WWOX: variants seen among roughly 807,000 people sequenced by gnomAD.
WWOX encodes the protein WW domain-containing oxidoreductase.
WWOX carries 69 observed loss-of-function variants against 46.2 expected under a neutral mutation model. That is an observed-to-expected ratio of 1.49 (90% CI 1.23 to 1.82). The LOEUF (loss-of-function observed/expected upper bound fraction) is 1.82, where lower values mean the gene tolerates loss of function less well. Among genes scored for constraint, WWOX ranks in the 40% most tolerant of loss-of-function variants. The pLI is 0.00. For synonymous variants in WWOX, 359 were observed against 202.6 expected (o/e 1.77, Z -6.56); for missense variants, 919 against 542.6 (o/e 1.69, Z -6.89).
At chr16:78,840,162 A>C (rs1366814767) in intron 8 of WWOX, among the ~76,000 whole-genome samples, 1 of 152,216 alleles carries the variant, frequency 6.6e-6, no homozygotes, top group East Asian at 1.9e-4. Flanking sequence ...ATTGCCTCCC[A>C]GTTGACCCTC....
rs1490470652 is a variant in WWOX, at chr16:79,212,651, A to G, written c.*855A>G. 1 of 149,076 alleles carries G rather than the reference A, an allele frequency of 6.7e-6. No individual in the cohort carries two copies. The highest frequency in any genetic ancestry group is 1.5e-5 in the Non-Finnish European group (1 of 65,726). 9.2% of individuals were successfully genotyped at this position (149,076 alleles called of 1,614,324 possible). A position where few individuals can be genotyped will look rare whatever the true frequency, so the allele number is the denominator to read the frequency against. ...CCTCGCATCCTATGCTTAATAAAAG[A>G]ACATGCTTGAATATCATCACCTGAA... On this transcript the variant is annotated 3_prime_UTR_variant, in exon 9 of 9. Transcript: ENST00000566780.
intron 7 of WWOX, among the ~76,000 whole-genome samples, chr16:78,427,201 T>G (rs529687453): frequency 9.4e-4 from 143 of 152,034 alleles, no homozygotes; most frequent in Non-Finnish European, 1.7e-3. Context: ...TTCGTTGGAG[T>G]TAAGACCCCC....
At chr16:78,169,427 G>T (rs999408482) in intron 5 of WWOX, among the ~76,000 whole-genome samples, 3 of 150,724 alleles carry the variant, frequency 2.0e-5, no homozygotes, top group African/African-American at 7.4e-5. Context: ...TTTATTTCTC[G>T]GGGTCTGGCA....
chr16:78,921,834 C>G (rs1312122417), intron 8 of WWOX, among the ~76,000 whole-genome samples: 1 of 152,154 alleles, frequency 6.6e-6, no homozygotes, highest in African/African-American at 2.4e-5. Context: ...GTCCTCAAAC[C>G]CATCCTCATG....
chr16:78,816,968 T>C (rs1375299178), intron 8 of WWOX, among the ~76,000 whole-genome samples: 2 of 152,068 alleles, frequency 1.3e-5, no homozygotes, highest in Admixed American at 6.6e-5. Context: ...AGTAAATACC[T>C]TGGGCCTGAG....
At chr16:78,176,516 C>T (rs540545117) in intron 5 of WWOX, among the ~76,000 whole-genome samples, 5 of 152,180 alleles carry the variant, frequency 3.3e-5, no homozygotes, top group Non-Finnish European at 5.9e-5. Context: ...GACTACAATG[C>T]GTCCTGTAAA....
chr16:78,766,886 CCT>C (rs1358563200), intron 8 of WWOX, among the ~76,000 whole-genome samples: 3 of 152,076 alleles, frequency 2.0e-5, no homozygotes, highest in Non-Finnish European at 4.4e-5. Context: ...ATCAGCATTA[CCT>C]ATACCTAAAA....
chr16:79,053,720 A>G (rs921574020), intron 8 of WWOX, among the ~76,000 whole-genome samples: 27 of 152,296 alleles, frequency 1.8e-4, no homozygotes, highest in African/African-American at 6.0e-4. Context: ...AGTAAGTGCA[A>G]TTTAGAGGAT....
chr16:78,285,574 A>G (rs1314514967), intron 5 of WWOX, among the ~76,000 whole-genome samples: 1 of 152,258 alleles, frequency 6.6e-6, no homozygotes, highest in Non-Finnish European at 1.5e-5. Flanking sequence ...AGTCAAGTGC[A>G]TGATGGCTGA....
intron 6 of WWOX, among the ~76,000 whole-genome samples, chr16:78,392,315 G>C (rs1018245628): frequency 6.6e-6 from 1 of 152,062 alleles, no homozygotes; most frequent in African/African-American, 2.4e-5. Context: ...TGCTCCTTAC[G>C]AAAATCTAAT....
intron 8 of WWOX, among the ~76,000 whole-genome samples, chr16:78,616,606 C>G (rs563607537): frequency 2.6e-5 from 4 of 151,776 alleles, no homozygotes; most frequent in African/African-American, 9.7e-5. Flanking sequence ...CCTGTCTCTA[C>G]TAAAACTAAA....
intron 8 of WWOX, among the ~76,000 whole-genome samples, chr16:78,661,488 G>C (rs72794734): frequency 0.013 from 1,926 of 152,132 alleles, 19 homozygotes; most frequent in Middle Eastern, 0.041. Flanking sequence ...ACAGTTATTT[G>C]TCTGGATTTG....
At chr16:78,907,334 C>A (rs911426472) in intron 8 of WWOX, among the ~76,000 whole-genome samples, 3 of 152,158 alleles carry the variant, frequency 2.0e-5, no homozygotes, top group Non-Finnish European at 4.4e-5. Flanking sequence ...TTAGGTTCTA[C>A]AAAGTGATGT....
intron 5 of WWOX, among the ~76,000 whole-genome samples, chr16:78,273,062 A>G (rs1412313955): frequency 2.0e-5 from 3 of 151,968 alleles, no homozygotes; most frequent in African/African-American, 7.2e-5. Flanking sequence ...TCATTCCTTC[A>G]TTTCCACTCT....
intron 1 of WWOX, among the ~76,000 whole-genome samples, chr16:78,104,207 C>T (rs1379551824): frequency 6.7e-6 from 1 of 148,296 alleles, no homozygotes; most frequent in East Asian, 2.0e-4. Flanking sequence ...TCTAGATCTC[C>T]CTGCTAACTT....
At chr16:78,259,030 A>C (rs1169349344) in intron 5 of WWOX, among the ~76,000 whole-genome samples, 15 of 152,206 alleles carry the variant, frequency 9.9e-5, no homozygotes, top group Admixed American at 9.8e-4. Flanking sequence ...AATCTTTAAG[A>C]ACTCATAAAG....
At chr16:78,604,253 G>T (rs1443475952) in intron 8 of WWOX, among the ~76,000 whole-genome samples, 1 of 152,130 alleles carries the variant, frequency 6.6e-6, no homozygotes, top group African/African-American at 2.4e-5. Flanking sequence ...AACTCCTGGG[G>T]CACCCTTCCT....
intron 8 of WWOX, among the ~76,000 whole-genome samples, chr16:79,107,074 G>C (rs149996546): frequency 1.8e-4 from 28 of 152,232 alleles, no homozygotes; most frequent in Non-Finnish European, 3.7e-4. Context: ...GTCTCCCAAA[G>C]TGCTGGGATT....
At chr16:78,434,120 C>G (rs1227034123) in intron 8 of WWOX, among the ~76,000 whole-genome samples, 1 of 152,146 alleles carries the variant, frequency 6.6e-6, no homozygotes, top group African/African-American at 2.4e-5. Context: ...CATCAAAAGT[C>G]TTTTGAAGTG....
Sources: gnomAD v4.1 joint callset for allele counts (sites outside exome capture counted in the v4.1 genomes callset) on GRCh38, gnomAD v4.1.1 for gene constraint, MANE v1.5 for transcripts, NCBI Gene and HGNC (gene_info 2026-07-23, HGNC 2026-07-21) for gene names.